The following MS4A15 variants were observed in gnomAD, a reference collection of about 807,000 sequenced individuals.
MS4A15 encodes the protein membrane spanning 4-domains A15, also known as membrane-spanning 4-domains subfamily A member 15.
Under a neutral mutation model 20.6 loss-of-function variants are expected in MS4A15, and 22 were observed. The ratio of observed to expected loss-of-function variants is 1.07; its 90% CI spans 0.76 to 1.52. MS4A15 has a LOEUF of 1.52. MS4A15 is among the 40% of genes most tolerant of loss of function. The pLI is 0.00. For missense variants in MS4A15, 312 were observed against 323.0 expected (o/e 0.97, Z 0.26); for synonymous variants, 129 against 129.3 (o/e 1.00, Z 0.02).
intron 2 of MS4A15, among the ~76,000 whole-genome samples, chr11:60,764,791 C>T (rs940054729): frequency 1.6e-4 from 24 of 152,196 alleles, no homozygotes; most frequent in African/African-American, 5.8e-4. Context: ...TGCCTGTAGT[C>T]CCAGCTACTC....
rs759567548 is a variant in MS4A15, at chr11:60,771,483, G to A, written c.405+136G>A. The A allele has an allele frequency of 5.8e-6, 9 of 1,543,496 alleles. No homozygotes were observed. The East Asian group carries it at 1.2e-4, about 21-fold the overall frequency. On this transcript the variant is annotated intron_variant, in intron 4 of 6. Transcript: ENST00000405633. Reference sequence around the variant, plus strand: ...GGGACCTGCAAAGTGCCAGGGGAGGGGCACCACCCAGGCAGACCAGACGCA... The same window carrying A: ...GGGACCTGCAAAGTGCCAGGGGAGGAGCACCACCCAGGCAGACCAGACGCA...
chr11:60,761,998 G>A (rs2134703174), intron 1 of MS4A15, among the ~76,000 whole-genome samples: 1 of 152,258 alleles, frequency 6.6e-6, no homozygotes, highest in Non-Finnish European at 1.5e-5. Context: ...ATTTAGCCTG[G>A]AGCTGGGAAG....
chr11:60,775,477 A>G (rs2134735198), intron 6 of MS4A15, 128 bp from the exon 7 acceptor site: 3 of 703,990 alleles, frequency 4.3e-6, no homozygotes, highest in South Asian at 3.5e-5. Flanking sequence ...AGCCCTGAGC[A>G]TGCGATTCAG....
chr11:60,762,355 C>A (rs1853766215), intron 1 of MS4A15, among the ~76,000 whole-genome samples: 1 of 152,164 alleles, frequency 6.6e-6, no homozygotes, highest in Admixed American at 6.5e-5. Flanking sequence ...TATGTCACAC[C>A]TCTGCCATAT....
intron 5 of MS4A15, 107 bp from the exon 6 acceptor site, chr11:60,773,730 A>G: frequency 2.1e-6 from 2 of 970,722 alleles, no homozygotes; most frequent in Non-Finnish European, 1.7e-6. Flanking sequence ...CTCCAGGCAC[A>G]GCTCTGCTCC....
At chr11:60,759,277 T>C (rs1853669497) in intron 1 of MS4A15, among the ~76,000 whole-genome samples, 1 of 152,264 alleles carries the variant, frequency 6.6e-6, no homozygotes, top group South Asian at 2.1e-4. Context: ...CTGTACTGAA[T>C]CAAGGTTTAA....
intron 2 of MS4A15, among the ~76,000 whole-genome samples, chr11:60,766,179 G>A (rs369670718): frequency 3.9e-5 from 6 of 152,270 alleles, no homozygotes; most frequent in East Asian, 1.9e-4. Context: ...TCAGGAGTTC[G>A]AGACCAGCCT....
chr11:60,773,680 G>A (rs902426531), intron 5 of MS4A15, among the ~76,000 whole-genome samples, 157 bp from the exon 6 acceptor site: 1 of 152,206 alleles, frequency 6.6e-6, no homozygotes, highest in Non-Finnish European at 1.5e-5. Flanking sequence ...CAGCCTGCAG[G>A]GTGAAGGGGA....
intron 5 of MS4A15, 103 bp downstream of exon 5, chr11:60,773,587 G>A: frequency 2.0e-6 from 2 of 1,021,852 alleles, no homozygotes; most frequent in Non-Finnish European, 1.5e-6. Context: ...GACGTTGGCA[G>A]GGCCTGCCAG....
intron 1 of MS4A15, among the ~76,000 whole-genome samples, chr11:60,763,487 G>A (rs1853799405): frequency 6.6e-6 from 1 of 152,164 alleles, no homozygotes; most frequent in South Asian, 2.1e-4. Flanking sequence ...TCTGAAACCA[G>A]AGAGACTAGA....
In MS4A15 at chr11:60,763,708, T is replaced by G. The variant is rs768613699; in HGVS notation, c.-26T>G. 9 of 1,610,558 alleles carry G rather than the reference T, an allele frequency of 5.6e-6. No homozygotes were observed. The Admixed American group carries it at 1.5e-4, about 27-fold the overall frequency. On this transcript the variant is annotated splice_region_variant and 5_prime_UTR_variant, in exon 2 of 7. Coordinates refer to ENST00000405633, the MANE Select transcript of MS4A15 (RefSeq NM_001098835.2). Reference sequence around the variant, plus strand: ...CATTGCCATTATTATCTCCCAAGCCTTTGTTTCCCAGGCTCTCTGAGCACG... The same window carrying G: ...CATTGCCATTATTATCTCCCAAGCCGTTGTTTCCCAGGCTCTCTGAGCACG...
At chr11:60,773,312 T>C (rs559410297) in intron 4 of MS4A15, 80 bp from the exon 5 acceptor site, 1 of 1,208,738 alleles carries the variant, frequency 8.3e-7, no homozygotes, top group East Asian at 2.6e-5. Flanking sequence ...TGCTGGGGGC[T>C]GGGCAGCTGA....
intron 1 of MS4A15, among the ~76,000 whole-genome samples, chr11:60,759,594 G>GT (rs1198230019): frequency 2.0e-5 from 3 of 151,980 alleles, no homozygotes; most frequent in Non-Finnish European, 4.4e-5. Flanking sequence ...ATAAGAGGAA[G>GT]TCCTCTGTTT....
intron 6 of MS4A15, 80 bp downstream of exon 6, chr11:60,774,030 T>C: frequency 9.3e-7 from 1 of 1,076,268 alleles, no homozygotes; most frequent in South Asian, 1.3e-5. Flanking sequence ...GGGAGCGCGC[T>C]CTGCCTCCAG....
chr11:60,774,825 T>C (rs1391524232), intron 6 of MS4A15, among the ~76,000 whole-genome samples: 3 of 151,912 alleles, frequency 2.0e-5, no homozygotes, highest in African/African-American at 4.8e-5. Context: ...ATGGGATGCA[T>C]TGAGGGTGAG....
intron 2 of MS4A15, among the ~76,000 whole-genome samples, chr11:60,764,375 GA>G (rs1008376096): frequency 5.1e-4 from 78 of 152,268 alleles, no homozygotes; most frequent in African/African-American, 1.9e-3. Flanking sequence ...GCTGTTAAAG[GA>G]AGAGGTGGAA....
chr11:60,762,915 T>C (rs1394555286), intron 1 of MS4A15, among the ~76,000 whole-genome samples: 3 of 152,128 alleles, frequency 2.0e-5, no homozygotes, highest in South Asian at 2.1e-4. Context: ...GAAAACAGCC[T>C]CCTAAGAAGG....
At chr11:60,757,759 T>C (rs975437970) in intron 1 of MS4A15, among the ~76,000 whole-genome samples, 1 of 152,118 alleles carries the variant, frequency 6.6e-6, no homozygotes, top group Non-Finnish European at 1.5e-5. Flanking sequence ...TCAGTGAATA[T>C]CTATATGATC....
At chr11:60,768,994 C>G (rs1853957278) in intron 3 of MS4A15, among the ~76,000 whole-genome samples, 1 of 152,174 alleles carries the variant, frequency 6.6e-6, no homozygotes, top group Admixed American at 6.5e-5. Flanking sequence ...GGGACAAGCT[C>G]TGGCACTTTG....
Sources: gnomAD v4.1 joint callset for allele counts (sites outside exome capture counted in the v4.1 genomes callset) on GRCh38, gnomAD v4.1.1 for gene constraint, MANE v1.5 for transcripts, NCBI Gene and HGNC (gene_info 2026-07-23, HGNC 2026-07-21) for gene names.